Variants in UMAD1 observed in about 807,000 individuals in gnomAD.
The protein encoded by UMAD1 is UBAP1-MVB12-associated (UMA) domain containing 1, also known as UBAP1-MVB12-associated (UMA)-domain containing protein 1.
In UMAD1, 8 loss-of-function variants were observed where a neutral mutation model predicts 6.1. That is an observed-to-expected ratio of 1.30 (90% confidence interval 0.76 to 2.35). The LOEUF is 2.35. Among genes scored for constraint, UMAD1 ranks in the 30% most tolerant of loss-of-function variants. The pLI, the probability that UMAD1 is intolerant of heterozygous loss-of-function variation, is 0.00. For synonymous variants in UMAD1, 56 were observed against 31.4 expected, an observed-to-expected ratio of 1.78 and a Z score of -2.61; for missense variants, 130 against 78.4, an observed-to-expected ratio of 1.66 and a Z score of -2.49.
chr7:7,807,487 A>G (rs1361554204), intron 3 of UMAD1, among the ~76,000 whole-genome samples: 2 of 152,134 alleles, frequency 1.3e-5, no homozygotes, highest in African/African-American at 4.8e-5. Context: ...CAGTTAAAAT[A>G]TTTGTTAAGT....
intron 2 of UMAD1, among the ~76,000 whole-genome samples, chr7:7,683,643 C>A (rs761253217): frequency 6.7e-6 from 1 of 150,006 alleles, no homozygotes; most frequent in Non-Finnish European, 1.5e-5. Flanking sequence ...TTTTTTTAGA[C>A]GGAGTTTTTG....
chr7:7,698,956 GTGATTCT>G, intron 2 of UMAD1, among the ~76,000 whole-genome samples: 1 of 149,880 alleles, frequency 6.7e-6, no homozygotes, highest in East Asian at 2.0e-4. Flanking sequence ...CCTGGGCTCA[GTGATTCT>G]CCCACTTCAG....
intron 3 of UMAD1, among the ~76,000 whole-genome samples, chr7:7,840,378 C>T (rs79104887): frequency 0.024 from 3,592 of 152,166 alleles, 157 homozygotes; most frequent in African/African-American, 0.082. Context: ...ATTGATGCCC[C>T]GGCCCCACCC....
chr7:7,705,457 C>T (rs1470409413), intron 2 of UMAD1, among the ~76,000 whole-genome samples: 1 of 152,208 alleles, frequency 6.6e-6, no homozygotes, highest in Non-Finnish European at 1.5e-5. Context: ...GTTTGGGTCA[C>T]TGCTCTGTAC....
At chr7:7,767,348 A>G (rs1214427747) in intron 2 of UMAD1, among the ~76,000 whole-genome samples, 3 of 151,458 alleles carry the variant, frequency 2.0e-5, no homozygotes, top group African/African-American at 4.8e-5. Context: ...GATGGTCTCG[A>G]TCTCCTGACC....
rs141409481 is a variant in UMAD1 at position 7,798,666 on chromosome 7, C to G, written c.83-3004C>G. 6.6e-3 allele frequency among the ~76,000 whole-genome samples: 1,003 copies of G among 152,338 alleles called. 18 individuals are homozygous for G. Among genetic ancestry groups the G allele is most frequent in the African/African-American group, 0.023 (962 of 41,576 alleles). ...TGGCTCCTCTCTTCACACCCTGTTCCCTAACTCAGAGTCTAGTTTCCTCCC... is the reference window on the plus strand; with the variant it reads ...TGGCTCCTCTCTTCACACCCTGTTCGCTAACTCAGAGTCTAGTTTCCTCCC... On this transcript the variant is annotated intron_variant, in intron 2 of 3. Coordinates refer to ENST00000682710, the MANE Select transcript of UMAD1 (RefSeq NM_001302348.2).
chr7:7,659,424 T>G (rs1432301642), intron 1 of UMAD1, among the ~76,000 whole-genome samples: 1 of 152,212 alleles, frequency 6.6e-6, no homozygotes, highest in Non-Finnish European at 1.5e-5. Flanking sequence ...TCTTTCCCAC[T>G]TTCTCTTGTT....
chr7:7,860,783 A>T (rs1404190474), intron 3 of UMAD1, among the ~76,000 whole-genome samples: 1 of 94,044 alleles, frequency 1.1e-5, no homozygotes, highest in African/African-American at 4.6e-5. Flanking sequence ...TCAAAAAAAA[A>T]AAAAATAACA....
intron 2 of UMAD1, among the ~76,000 whole-genome samples, chr7:7,689,669 T>C (rs1468233575): frequency 6.6e-6 from 1 of 152,224 alleles, no homozygotes; most frequent in East Asian, 1.9e-4. Flanking sequence ...CTCTTCAGTC[T>C]GTGTCTATAT....
At chr7:7,769,332 G>GT (rs1782056303) in intron 2 of UMAD1, among the ~76,000 whole-genome samples, 1 of 151,830 alleles carries the variant, frequency 6.6e-6, no homozygotes, top group Admixed American at 6.6e-5. Context: ...TTTTTTTTAA[G>GT]TTTTGGAGAA....
intron 2 of UMAD1, among the ~76,000 whole-genome samples, chr7:7,676,869 T>G (rs1012154339): frequency 3.9e-5 from 6 of 152,118 alleles, no homozygotes; most frequent in African/African-American, 1.4e-4. Flanking sequence ...GTCTTTAAAG[T>G]TATAGTTAAT....
intron 2 of UMAD1, among the ~76,000 whole-genome samples, chr7:7,763,203 TTTTA>T (rs1247789569): frequency 1.6e-4 from 24 of 152,348 alleles, no homozygotes; most frequent in African/African-American, 5.1e-4. Flanking sequence ...TTGAAGTGCT[TTTTA>T]TTTAATTAAA....
chr7:7,781,751 T>C (rs893117262), intron 2 of UMAD1, among the ~76,000 whole-genome samples: 1 of 152,136 alleles, frequency 6.6e-6, no homozygotes, highest in African/African-American at 2.4e-5. Flanking sequence ...TAGCAAGCTC[T>C]TATTAATGTT....
At chr7:7,699,340 T>C (rs1780401355) in intron 2 of UMAD1, among the ~76,000 whole-genome samples, 1 of 152,246 alleles carries the variant, frequency 6.6e-6, no homozygotes, top group Non-Finnish European at 1.5e-5. Context: ...TATGCTTTAA[T>C]CACTCATAAA....
chr7:7,663,356 A>G (rs199533040), intron 1 of UMAD1, among the ~76,000 whole-genome samples: 5 of 151,618 alleles, frequency 3.3e-5, no homozygotes, highest in African/African-American at 1.2e-4. Context: ...ATTTATGTTA[A>G]TCAATTTAAT....
chr7:7,774,986 T>C (rs1782173370), intron 2 of UMAD1, among the ~76,000 whole-genome samples: 1 of 152,216 alleles, frequency 6.6e-6, no homozygotes, highest in South Asian at 2.1e-4. Context: ...AATTATTTCA[T>C]GTCTTTCTCT....
intron 2 of UMAD1, among the ~76,000 whole-genome samples, chr7:7,711,320 TG>T (rs1780757495): frequency 6.6e-6 from 1 of 152,224 alleles, no homozygotes; most frequent in South Asian, 2.1e-4. Context: ...ACATGTCTCC[TG>T]GTGCACATAT....
intron 3 of UMAD1, among the ~76,000 whole-genome samples, chr7:7,842,824 C>T (rs1378136280): frequency 1.3e-5 from 2 of 152,044 alleles, no homozygotes; most frequent in Non-Finnish European, 2.9e-5. Flanking sequence ...TGTGATATGC[C>T]AGCCATGGTA....
intron 2 of UMAD1, among the ~76,000 whole-genome samples, chr7:7,752,860 CTAATTTTGTATTCA>C (rs1459345275): frequency 1.1e-4 from 17 of 152,182 alleles, no homozygotes; most frequent in African/African-American, 2.9e-4. Flanking sequence ...ACTTTCTCTT[CTAATTTTGTATTCA>C]TAATTTTGTA....
Sources: allele counts gnomAD v4.1 joint callset (sites outside exome capture counted in the v4.1 genomes callset), GRCh38; gene constraint gnomAD v4.1.1; transcripts MANE v1.5; gene names NCBI Gene and HGNC (gene_info 2026-07-23, HGNC 2026-07-21).